The following MARK2 variants were observed in gnomAD, a reference collection of about 807,000 sequenced individuals.
MARK2 encodes microtubule affinity regulating kinase 2.
In MARK2, 16 loss-of-function variants were observed where a neutral mutation model predicts 89.8. The observed-to-expected ratio is 0.18, with a 90% CI of 0.12 to 0.27. The LOEUF (loss-of-function observed/expected upper bound fraction) is 0.27, where lower values mean the gene tolerates loss of function less well. Among genes scored for constraint, MARK2 ranks in the 10% least tolerant of loss-of-function variants. The probability of loss-of-function intolerance (pLI) is 1.00; values close to 1 mark genes in which losing one functional copy is unlikely to be tolerated. For synonymous variants in MARK2, 382 were observed against 399.5 expected (o/e 0.96, Z 0.52); for missense variants, 621 against 1,049.9 (o/e 0.59, Z 5.65).
chr11:63,872,374 G>A (rs1055927858), intron 1 of MARK2, among the ~76,000 whole-genome samples: 6 of 152,194 alleles, frequency 3.9e-5, no homozygotes, highest in African/African-American at 7.2e-5. Flanking sequence ...AGAAGTGACC[G>A]TGTTCCACAC....
At chr11:63,884,311 G>A (rs915735683) in intron 1 of MARK2, among the ~76,000 whole-genome samples, 1 of 152,248 alleles carries the variant, frequency 6.6e-6, no homozygotes, top group Non-Finnish European at 1.5e-5. Flanking sequence ...GAGGAGATTT[G>A]GAGAGTGCTC....
intron 17 of MARK2, among the ~76,000 whole-genome samples, chr11:63,907,770 C>T (rs1054973287): frequency 1.2e-4 from 18 of 152,314 alleles, no homozygotes; most frequent in African/African-American, 4.1e-4. Context: ...TGCGTAGCCA[C>T]GGCCCCTCCT....
intron 1 of MARK2, among the ~76,000 whole-genome samples, chr11:63,894,661 A>G (rs1375935716): frequency 6.6e-6 from 1 of 152,216 alleles, no homozygotes; most frequent in Non-Finnish European, 1.5e-5. Flanking sequence ...GCACCATTGC[A>G]CTCCAGCCTG....
At chr11:63,856,768 GTTTTTTTTTTTTTTTTTTTTTTTTTT>G (rs71039681) in intron 1 of MARK2, among the ~76,000 whole-genome samples, 1 of 53,796 alleles carries the variant, frequency 1.9e-5, no homozygotes, top group South Asian at 1.0e-3. Context: ...AATTTTTCAT[GTTTTTTTTTTTTTTTTTTTTTTTTTT>G]TTTTTTTTTT....
In MARK2 at chr11:63,910,072, G is replaced by C. The variant is rs1206106995; in HGVS notation, c.*835G>C. 6.6e-6 allele frequency: 1 copy of C among 152,448 alleles called. No homozygotes were observed. Among genetic ancestry groups the C allele is most frequent in the African/African-American group, 2.4e-5 (1 of 41,464 alleles). 9.4% of individuals were successfully genotyped at this position (152,448 alleles called of 1,614,324 possible). ...CGGGTAGAAGGAGGGGCTGACCCCA[G>C]GGCTGGGAGAGGGGAGGGGACTGGA... is the stretch of plus-strand genomic sequence containing the variant. On this transcript the variant is annotated 3_prime_UTR_variant, in exon 19 of 19. Coordinates refer to ENST00000402010, the MANE Select transcript of MARK2 (RefSeq NM_001039469.3).
intron 1 of MARK2, among the ~76,000 whole-genome samples, chr11:63,892,771 G>T (rs555299400): frequency 7.2e-6 from 1 of 139,684 alleles, no homozygotes; most frequent in Admixed American, 8.0e-5. Context: ...CTATCACCCA[G>T]GCTGGAGTAC....
chr11:63,856,789 T>A (rs1261469539), intron 1 of MARK2, among the ~76,000 whole-genome samples: 1 of 104,930 alleles, frequency 9.5e-6, no homozygotes, highest in Non-Finnish European at 2.0e-5. Flanking sequence ...TTTTTTTTTT[T>A]TTTTTTTTTT....
intron 1 of MARK2, among the ~76,000 whole-genome samples, chr11:63,886,288 G>A (rs1939393670): frequency 1.3e-5 from 2 of 152,240 alleles, no homozygotes; most frequent in Admixed American, 1.3e-4. Flanking sequence ...CACCATGCCT[G>A]GCTAATTTTT....
In MARK2 at chr11:63,904,301, G is replaced by A; in HGVS notation, c.1676+154G>A. On this transcript the variant is annotated intron_variant, in intron 15 of 18. Coordinates refer to ENST00000402010, the MANE Select transcript of MARK2 (RefSeq NM_001039469.3). This position sits in a 1 kb window ranked among gnomAD's most constrained non-coding sequence, Gnocchi z 6.3. The stretch of plus-strand genomic sequence containing the variant: ...TGTCCCCTGCGGCCAGGAAGTGGAG[G>A]GAACAAAAAAGAGCATTAATGCCCC... The A allele has an allele frequency of 1.5e-6, 1 of 647,768 alleles. No individual in the cohort carries two copies. Among genetic ancestry groups the A allele is most frequent in the Non-Finnish European group, 2.5e-6 (1 of 394,766 alleles). The allele number at this position is 647,768 out of a possible 1,614,324, so 40.1% of individuals were successfully genotyped here.
chr11:63,856,501 C>T (rs1487874338), intron 1 of MARK2, among the ~76,000 whole-genome samples: 1 of 151,032 alleles, frequency 6.6e-6, no homozygotes, highest in Non-Finnish European at 1.5e-5. Context: ...CAGCTCATTG[C>T]AGCCTTGACC....
chr11:63,908,135 G>T, intron 17 of MARK2, 125 bp from the exon 18 acceptor site: 1 of 781,904 alleles, frequency 1.3e-6, no homozygotes, highest in South Asian at 1.6e-5. Flanking sequence ...TGGGCAGAGG[G>T]CCCTGGGCTT....
intron 1 of MARK2, among the ~76,000 whole-genome samples, chr11:63,856,116 T>C (rs960960143): frequency 6.6e-6 from 1 of 152,146 alleles, no homozygotes; most frequent in Non-Finnish European, 1.5e-5. Flanking sequence ...GTTACTTGCT[T>C]TGACTTCATA....
At chr11:63,863,389 CTTTTA>C (rs1427458049) in intron 1 of MARK2, among the ~76,000 whole-genome samples, 2 of 151,996 alleles carry the variant, frequency 1.3e-5, no homozygotes, top group Admixed American at 1.3e-4. Context: ...GCAAGGGTGC[CTTTTA>C]TTTTAAGATG....
chr11:63,867,878 T>G (rs1938222681), intron 1 of MARK2, among the ~76,000 whole-genome samples: 1 of 152,126 alleles, frequency 6.6e-6, no homozygotes. Flanking sequence ...CCATAGACAG[T>G]AAATTGGGGG....
At chr11:63,890,308 A>C (rs780768498) in intron 1 of MARK2, 1 of 1,337,084 alleles carries the variant, frequency 7.5e-7, no homozygotes, top group South Asian at 1.2e-5. Context: ...AAGTAAGGGA[A>C]GGATTGAGCA....
intron 1 of MARK2, among the ~76,000 whole-genome samples, chr11:63,870,762 A>G (rs1938399981): frequency 6.6e-6 from 1 of 152,214 alleles, no homozygotes; most frequent in African/African-American, 2.4e-5. Flanking sequence ...GGATCAGGAA[A>G]GCTTCCTGGT....
rs1940631716 is a variant in MARK2, at chr11:63,898,820, C to T, written c.461C>T (p.Ala154Val). ...HGRMKEKEARAKFRQIVSAVQ... is the reference protein window; with the variant it reads ...HGRMKEKEARVKFRQIVSAVQ... ...AGGATGAAAGAAAAAGAGGCTCGAG[C>T]CAAATTCCGCCAGGTAGGTGTGACT... Residue 154 changes from alanine to valine, a missense_variant, in exon 6 of 19, where the codon GCC (alanine) becomes GTC (valine). By Grantham distance (64) the Ala-to-Val change is moderately conservative. Around this residue, in one of 5 missense-constraint regions of MARK2, gnomAD observed 82 missense variants for 287.7 expected, o/e 0.29. Transcript: ENST00000402010. The T allele has an allele frequency of 1.2e-6, 2 of 1,613,612 alleles. No individual in the cohort carries two copies. The highest frequency in any genetic ancestry group is 2.7e-5 in the African/African-American group (2 of 74,900).
At chr11:63,842,157 A>G (rs2016050293) in intron 1 of MARK2, among the ~76,000 whole-genome samples, 2 of 151,760 alleles carry the variant, frequency 1.3e-5, no homozygotes, top group African/African-American at 4.8e-5. Context: ...GTCTCATTCC[A>G]GTAAAAGCAG....
At position 63,888,492 on chromosome 11, in the gene MARK2, G is replaced by GGGA. The variant is rs1939546474; in HGVS notation, c.55-6665_55-6664insAGG. The GGGA allele has an allele frequency of 2.7e-5, 27 of 985,488 alleles. No homozygotes were observed. The South Asian group carries it at 9.2e-4, about 33-fold the overall frequency. The allele number at this position is 985,488 out of a possible 1,614,324, so 61.0% of individuals were successfully genotyped here. On this transcript the variant is annotated intron_variant, in intron 1 of 18. Transcript: ENST00000402010. ...TGGGGCTGCCCACTTCCGGGGAGGG[G>GGGA]GGGAGGGGGAGGGGAGAAGGAAGTT...
Sources: allele counts gnomAD v4.1 joint callset (sites outside exome capture counted in the v4.1 genomes callset), GRCh38; gene constraint gnomAD v4.1.1; regional missense constraint gnomAD v4.1.1; non-coding constraint Gnocchi (gnomAD v3.1); transcripts MANE v1.5; gene names NCBI Gene and HGNC (gene_info 2026-07-23, HGNC 2026-07-21).